Variants in CNTNAP2 observed in about 807,000 individuals in gnomAD.
CNTNAP2 encodes contactin associated protein 2.
In CNTNAP2, 98 loss-of-function variants were observed where a neutral mutation model predicts 155.2. The observed-to-expected ratio is 0.63, with a 90% CI of 0.54 to 0.75. The LOEUF (loss-of-function observed/expected upper bound fraction) is 0.75. Among genes scored for constraint, CNTNAP2 ranks in the 30% least tolerant of loss-of-function variants. CNTNAP2 has a pLI of 0.00. For synonymous variants in CNTNAP2, 651 were observed against 631.2 expected (o/e 1.03, Z -0.47); for missense variants, 1,727 against 1,688.1 (o/e 1.02, Z -0.40).
chr7:148,351,841 G>A (rs1798433719), intron 21 of CNTNAP2, among the ~76,000 whole-genome samples: 1 of 151,818 alleles, frequency 6.6e-6, no homozygotes, highest in Admixed American at 6.6e-5. Context: ...GACAGTTCAG[G>A]ACTGATGAGA....
intron 12 of CNTNAP2, among the ~76,000 whole-genome samples, chr7:147,564,397 C>A (rs2116794194): frequency 6.6e-6 from 1 of 151,976 alleles, no homozygotes; most frequent in East Asian, 1.9e-4. Context: ...TTTTTATATA[C>A]CTTCATTTTT....
intron 13 of CNTNAP2, among the ~76,000 whole-genome samples, chr7:147,742,363 T>C (rs1250824205): frequency 6.6e-6 from 1 of 152,220 alleles, no homozygotes; most frequent in Admixed American, 6.5e-5. Flanking sequence ...TTTATTATAA[T>C]AGCCAAGTAC....
intron 13 of CNTNAP2, among the ~76,000 whole-genome samples, chr7:147,869,588 C>G (rs1799293490): frequency 1.3e-5 from 2 of 152,164 alleles, no homozygotes; most frequent in Admixed American, 6.5e-5. Context: ...AATTTCAGCT[C>G]ACAAGACAGT....
At chr7:146,563,661 T>A (rs1375847129) in intron 1 of CNTNAP2, among the ~76,000 whole-genome samples, 4 of 152,162 alleles carry the variant, frequency 2.6e-5, no homozygotes, top group African/African-American at 7.2e-5. Flanking sequence ...CTTCTTGATC[T>A]TACGGTGTCT....
chr7:147,014,479 C>T (rs1798683634), intron 3 of CNTNAP2, among the ~76,000 whole-genome samples: 1 of 151,806 alleles, frequency 6.6e-6, no homozygotes, highest in African/African-American at 2.4e-5. Context: ...GGCTAACTTC[C>T]CAGAAATGAA....
At chr7:146,711,670 G>A (rs974224532) in intron 1 of CNTNAP2, among the ~76,000 whole-genome samples, 27 of 146,274 alleles carry the variant, frequency 1.8e-4, no homozygotes, top group African/African-American at 5.0e-4. Context: ...AAGCTATTTC[G>A]TATATATCTC....
chr7:146,973,234 A>C (rs1003768606), intron 3 of CNTNAP2, among the ~76,000 whole-genome samples: 1 of 151,880 alleles, frequency 6.6e-6, no homozygotes, highest in Non-Finnish European at 1.5e-5. Flanking sequence ...CACCATGTTG[A>C]CCAGGCTGGT....
chr7:146,266,692 A>G (rs1379473826), intron 1 of CNTNAP2, among the ~76,000 whole-genome samples: 1 of 152,198 alleles, frequency 6.6e-6, no homozygotes, highest in Non-Finnish European at 1.5e-5. Flanking sequence ...AAAACAAGAC[A>G]ATAGAAAGGA....
intron 1 of CNTNAP2, among the ~76,000 whole-genome samples, chr7:146,190,977 A>T (rs1218116685): frequency 6.6e-6 from 1 of 152,180 alleles, no homozygotes; most frequent in Non-Finnish European, 1.5e-5. Context: ...GACTTTAATC[A>T]TATGAATCTA....
intron 13 of CNTNAP2, among the ~76,000 whole-genome samples, chr7:147,731,346 T>C (rs76220992): frequency 0.19 from 29,246 of 152,080 alleles, 3,235 homozygotes; most frequent in Middle Eastern, 0.39. Context: ...ATTCACTTAC[T>C]GTTCTGAAAA....
chr7:146,136,355 G>A (rs1797797400), intron 1 of CNTNAP2, among the ~76,000 whole-genome samples: 1 of 152,112 alleles, frequency 6.6e-6, no homozygotes, highest in African/African-American at 2.4e-5. Context: ...AGACAACTAA[G>A]GGTCAGTCTT....
At position 146,494,850 on chromosome 7, in the gene CNTNAP2, C is replaced by T. The variant is rs147372781; in HGVS notation, c.98-279421C>T. Among the ~76,000 whole-genome samples, 430 of 152,280 alleles carry T rather than the reference C, an allele frequency of 2.8e-3. 2 individuals are homozygous for T. The highest frequency in any genetic ancestry group is 0.01 in the Middle Eastern group (3 of 294). On this transcript the variant is annotated intron_variant, in intron 1 of 23. Transcript: ENST00000361727. ...TTTTATTTTCCCTTCACAAATAATT[C>T]GATGAGCTAGCTTATGAAGGCAATG...
intron 1 of CNTNAP2, among the ~76,000 whole-genome samples, chr7:146,580,398 GTAAAAGAAAATAT>G (rs1798593785): frequency 6.6e-6 from 1 of 150,844 alleles, no homozygotes; most frequent in Non-Finnish European, 1.5e-5. Flanking sequence ...TTGCTACATT[GTAAAAGAAAATAT>G]TTTCTACAAT....
chr7:147,737,905 G>C (rs1796884389), intron 13 of CNTNAP2, among the ~76,000 whole-genome samples: 1 of 152,168 alleles, frequency 6.6e-6, no homozygotes. Context: ...CGATTTTCCA[G>C]GTGCCATTTG....
intron 14 of CNTNAP2, among the ~76,000 whole-genome samples, chr7:147,946,379 T>C (rs1478153581): frequency 6.6e-6 from 1 of 151,838 alleles, no homozygotes; most frequent in Non-Finnish European, 1.5e-5. Flanking sequence ...TGACATGGGG[T>C]AGACTGCAGA....
chr7:146,937,608 G>T (rs909427574), intron 3 of CNTNAP2, among the ~76,000 whole-genome samples: 1 of 151,770 alleles, frequency 6.6e-6, no homozygotes, highest in Non-Finnish European at 1.5e-5. Flanking sequence ...CTGGGACAAG[G>T]CTGCAAAGGT....
At chr7:147,734,477 C>CT (rs1487317928) in intron 13 of CNTNAP2, among the ~76,000 whole-genome samples, 2 of 152,082 alleles carry the variant, frequency 1.3e-5, no homozygotes, top group Non-Finnish European at 2.9e-5. Context: ...CTAAAATTCT[C>CT]TTTTTTTGTT....
intron 1 of CNTNAP2, among the ~76,000 whole-genome samples, chr7:146,397,868 A>AG (rs1428174154): frequency 1.0e-4 from 14 of 133,568 alleles, no homozygotes; most frequent in African/African-American, 4.4e-4. Context: ...AAAATTTGAC[A>AG]GGCTTTTATT....
chr7:147,466,125 A>G (rs1421638630), intron 10 of CNTNAP2, among the ~76,000 whole-genome samples: 2 of 152,192 alleles, frequency 1.3e-5, no homozygotes, highest in Admixed American at 1.3e-4. Flanking sequence ...GTCCATTTTT[A>G]ATGTCTACGT....
Sources: allele counts gnomAD v4.1 joint callset (sites outside exome capture counted in the v4.1 genomes callset), GRCh38; gene constraint gnomAD v4.1.1; transcripts MANE v1.5; gene names NCBI Gene and HGNC (gene_info 2026-07-23, HGNC 2026-07-21).